Variants in CCDC83 observed in about 807,000 individuals in gnomAD.
CCDC83 encodes the protein coiled-coil domain-containing protein 83.
Under a neutral mutation model 50.1 loss-of-function variants are expected in CCDC83, and 54 were observed. The observed-to-expected ratio is 1.08, with a 90% confidence interval of 0.87 to 1.35. The LOEUF is 1.35. CCDC83 is among the 40% of genes most tolerant of loss of function. The probability of loss-of-function intolerance (pLI) is 0.00; values close to 1 mark genes in which losing one functional copy is unlikely to be tolerated. For missense variants in CCDC83, 518 were observed against 473.9 expected (o/e 1.09, Z -0.86); for synonymous variants, 161 against 153.3 (o/e 1.05, Z -0.37).
At chr11:85,880,489 T>C (rs1290099666) in intron 3 of CCDC83, among the ~76,000 whole-genome samples, 3 of 152,116 alleles carry the variant, frequency 2.0e-5, no homozygotes, top group Non-Finnish European at 4.4e-5. Context: ...TTGCCCAGGC[T>C]GGTCTTGAAC....
chr11:85,919,705 A>G lies in CCDC83; in HGVS notation c.*195A>G, dbSNP rs1329721108. The G allele has an allele frequency of 3.7e-6, 2 of 535,994 alleles. No individual in the cohort carries two copies. The highest frequency in any genetic ancestry group is 6.5e-6 in the Non-Finnish European group (2 of 306,080). The allele number at this position is 535,994 out of a possible 1,614,324, so 33.2% of individuals were successfully genotyped here. ...GCATGGTATGAGTGACCAAAACGGA[A>G]GCACGCTTTGTATTTCTACACTGAA... On this transcript the variant is annotated 3_prime_UTR_variant, in exon 11 of 11. Transcript: ENST00000342404.
chr11:85,866,460 G>A (rs368103151), intron 2 of CCDC83, among the ~76,000 whole-genome samples: 1 of 152,186 alleles, frequency 6.6e-6, no homozygotes. Context: ...GGCCAAGGCA[G>A]GTGGATGAGC....
At chr11:85,911,464 T>C (rs1179964383) in intron 8 of CCDC83, 62 bp downstream of exon 8, 24 of 1,409,776 alleles carry the variant, frequency 1.7e-5, no homozygotes, top group Non-Finnish European at 1.5e-5. Context: ...TAAAAAGTTG[T>C]TTTTTTAAAA....
At chr11:85,863,419 A>T (rs2093189013) in intron 1 of CCDC83, among the ~76,000 whole-genome samples, 1 of 152,218 alleles carries the variant, frequency 6.6e-6, no homozygotes, top group African/African-American at 2.4e-5. Flanking sequence ...CAATACTTTC[A>T]TATTTGAGAA....
At chr11:85,868,546 TTG>T (rs2093220467) in intron 2 of CCDC83, among the ~76,000 whole-genome samples, 2 of 152,310 alleles carry the variant, frequency 1.3e-5, no homozygotes, top group African/African-American at 2.4e-5. Context: ...AGCTAATTTT[TTG>T]TGTTTTTAGT....
chr11:85,860,343 G>T (rs951149256), intron 1 of CCDC83, among the ~76,000 whole-genome samples: 4 of 145,742 alleles, frequency 2.7e-5, no homozygotes, highest in African/African-American at 1.0e-4. Flanking sequence ...AACATGAACA[G>T]ATACTTTTCA....
At chr11:85,912,712 A>T in intron 8 of CCDC83, 1 of 1,610,990 alleles carries the variant, frequency 6.2e-7, no homozygotes, top group Non-Finnish European at 8.5e-7. Flanking sequence ...TGCCTTTGGA[A>T]TCATGTCTAA....
intron 7 of CCDC83, among the ~76,000 whole-genome samples, chr11:85,900,535 G>T (rs1002235258): frequency 6.6e-6 from 1 of 152,054 alleles, no homozygotes; most frequent in Non-Finnish European, 1.5e-5. Flanking sequence ...GAAAAATTTG[G>T]TATGAAAACA....
intron 8 of CCDC83, 25 bp downstream of exon 8, chr11:85,911,427 G>T: frequency 6.6e-7 from 1 of 1,505,606 alleles, no homozygotes; most frequent in Non-Finnish European, 8.9e-7. Context: ...TATATAGAGA[G>T]TATTTTGTAA....
At chr11:85,899,360 G>A (rs1200738879) in intron 7 of CCDC83, among the ~76,000 whole-genome samples, 2 of 152,228 alleles carry the variant, frequency 1.3e-5, no homozygotes, top group East Asian at 1.9e-4. Context: ...TCTCTGCTGG[G>A]TTAAATTGTC....
At chr11:85,915,338 C>A in intron 8 of CCDC83, 81 bp from the exon 9 acceptor site, 1 of 964,518 alleles carries the variant, frequency 1.0e-6, no homozygotes, top group Non-Finnish European at 1.6e-6. Flanking sequence ...TTTCTAGCAC[C>A]TAGTAGAGAG....
At position 85,895,273 on chromosome 11, in the gene CCDC83, T is replaced by C. The variant is rs763479696; in HGVS notation, c.512-20T>C. ...TAAGGCTTTTAATTTTCTTTTTTTT[T>C]TTTTTTTTTTTTTTTAAAGAACACT... On this transcript the variant is annotated intron_variant, in intron 5 of 10. Transcript: ENST00000342404. 93 of 840,178 alleles carry C rather than the reference T, an allele frequency of 1.1e-4. No homozygotes were observed. Among genetic ancestry groups the C allele is most frequent in the East Asian group, 4.1e-4 (14 of 33,828 alleles). The allele number at this position is 840,178 out of a possible 1,614,324, so 52.0% of individuals were successfully genotyped here.
Position 85,895,388 on chromosome 11 carries a change from T to C in CCDC83, c.603+4T>C, listed in dbSNP as rs1259041017. Reference sequence around the variant, plus strand: ...AAAGAAGGAATGGGCCACACAGGTATAATTCAATTTTCTTAAAAACAGAAC... The same window carrying C: ...AAAGAAGGAATGGGCCACACAGGTACAATTCAATTTTCTTAAAAACAGAAC... On this transcript the variant is annotated splice_donor_region_variant and intron_variant, in intron 6 of 10. Coordinates refer to ENST00000342404, the MANE Select transcript of CCDC83 (RefSeq NM_001286159.2). 4.0e-6 allele frequency: 6 copies of C among 1,509,238 alleles called. No individual in the cohort carries two copies. Among genetic ancestry groups the C allele is most frequent in the Non-Finnish European group, 5.4e-6 (6 of 1,106,164 alleles). 93.5% of individuals were successfully genotyped at this position (1,509,238 alleles called of 1,614,324 possible). A position where few individuals can be genotyped will look rare whatever the true frequency, so the allele number is the denominator to read the frequency against.
intron 7 of CCDC83, among the ~76,000 whole-genome samples, chr11:85,907,558 A>G (rs2093431301): frequency 6.6e-6 from 1 of 152,192 alleles, no homozygotes; most frequent in South Asian, 2.1e-4. Context: ...TATCTCTCCC[A>G]GTTTCTATGT....
intron 6 of CCDC83, among the ~76,000 whole-genome samples, chr11:85,896,340 G>A (rs1285618638): frequency 1.5e-5 from 2 of 137,828 alleles, no homozygotes; most frequent in Non-Finnish European, 3.1e-5. Flanking sequence ...GATCGAGGCT[G>A]TAGTGAGCCG....
rs573787801 is a variant in CCDC83 at position 85,865,391 on chromosome 11, A to G, written c.95+173A>G. 9.8e-5 allele frequency among the ~76,000 whole-genome samples: 15 copies of G among 152,352 alleles called. No homozygotes were observed. The South Asian group carries it at 3.1e-3, about 32-fold the overall frequency. Reference sequence around the variant, plus strand: ...TGCACATATTTTTAAAGGTTTTTGAAACTTTGAATATAACATAGTCCAAGT... The same window carrying G: ...TGCACATATTTTTAAAGGTTTTTGAGACTTTGAATATAACATAGTCCAAGT... On this transcript the variant is annotated intron_variant, in intron 2 of 10. Transcript: ENST00000342404.
chr11:85,862,629 C>G (rs2093183642), intron 1 of CCDC83, among the ~76,000 whole-genome samples: 2 of 152,090 alleles, frequency 1.3e-5, no homozygotes, highest in Non-Finnish European at 2.9e-5. Flanking sequence ...GTCAGATATT[C>G]TAAGTGTAAC....
At chr11:85,905,466 C>T (rs184428462) in intron 7 of CCDC83, among the ~76,000 whole-genome samples, 6,856 of 147,792 alleles carry the variant, frequency 0.046, 245 homozygotes, top group South Asian at 0.074. Flanking sequence ...AAAAATTAGC[C>T]AGGCGTGGTG....
At chr11:85,915,791 AC>A (rs1181355137) in intron 9 of CCDC83, among the ~76,000 whole-genome samples, 1 of 152,228 alleles carries the variant, frequency 6.6e-6, no homozygotes, top group African/African-American at 2.4e-5. Context: ...TATTTAGCCA[AC>A]CAAAATGACA....
Sources: gnomAD v4.1 joint callset for allele counts (sites outside exome capture counted in the v4.1 genomes callset) on GRCh38, gnomAD v4.1.1 for gene constraint, MANE v1.5 for transcripts, NCBI Gene and HGNC (gene_info 2026-07-23, HGNC 2026-07-21) for gene names.